The following CCDC66 variants were observed in gnomAD, a reference collection of about 807,000 sequenced individuals.
CCDC66 encodes the protein coiled-coil domain containing 66.
Under a neutral mutation model 128.3 loss-of-function variants are expected in CCDC66, and 133 were observed. That is an observed-to-expected ratio of 1.04 (90% CI 0.90 to 1.20). The LOEUF is 1.20. Among genes scored for constraint, CCDC66 ranks in the 50% most tolerant of loss-of-function variants. The probability of loss-of-function intolerance (pLI) is 0.00; values close to 1 mark genes in which losing one functional copy is unlikely to be tolerated. For missense variants in CCDC66, 1,126 were observed against 1,075.5 expected, an observed-to-expected ratio of 1.05 and a Z score of -0.66; for synonymous variants, 387 against 357.0, an observed-to-expected ratio of 1.08 and a Z score of -0.95.
intron 3 of CCDC66, among the ~76,000 whole-genome samples, chr3:56,562,409 T>G (rs2065221929): frequency 6.6e-6 from 1 of 152,168 alleles, no homozygotes; most frequent in Non-Finnish European, 1.5e-5. Context: ...GTTACTTTCC[T>G]AATTTCTTAG....
chr3:56,562,288 G>A (rs1333122982), intron 3 of CCDC66, among the ~76,000 whole-genome samples: 2 of 151,954 alleles, frequency 1.3e-5, no homozygotes, highest in East Asian at 1.9e-4. Flanking sequence ...GGGCTCAAGC[G>A]ATCCTTCCGC....
intron 10 of CCDC66, 130 bp downstream of exon 10, chr3:56,594,158 A>G: frequency 1.3e-6 from 1 of 777,678 alleles, no homozygotes; most frequent in South Asian, 1.7e-5. Flanking sequence ...TGTGTCACGA[A>G]TCCAATCCCT....
chr3:56,605,966 T>C (rs2074010136), intron 10 of CCDC66, among the ~76,000 whole-genome samples: 1 of 152,052 alleles, frequency 6.6e-6, no homozygotes, highest in Non-Finnish European at 1.5e-5. Context: ...AGAGATTCCC[T>C]GTCCAAAGAG....
chr3:56,558,055 ATTC>A (rs1389079784), intron 1 of CCDC66: 1 of 152,226 alleles, frequency 6.6e-6, no homozygotes, highest in Non-Finnish European at 1.5e-5. Flanking sequence ...CGTAAAACCT[ATTC>A]TTTCCAGTGT....
At chr3:56,593,825 G>A in intron 9 of CCDC66, 84 bp downstream of exon 9, 1 of 1,584,568 alleles carries the variant, frequency 6.3e-7, no homozygotes, top group Admixed American at 1.7e-5. Context: ...ATTGGTTTCA[G>A]GTTTGGTATT....
intron 16 of CCDC66, 68 bp downstream of exon 16, chr3:56,619,595 A>C: frequency 6.6e-7 from 1 of 1,518,990 alleles, no homozygotes; most frequent in Non-Finnish European, 8.8e-7. Flanking sequence ...AACAACTTTA[A>C]ATTCCAAATT....
chr3:56,578,578 G>A (rs570794282), intron 7 of CCDC66, among the ~76,000 whole-genome samples: 13 of 151,832 alleles, frequency 8.6e-5, no homozygotes, highest in Middle Eastern at 6.8e-3. Flanking sequence ...TTTGAGATAC[G>A]TTCCATCAAT....
chr3:56,619,341 C>T lies in CCDC66; in HGVS notation c.2449C>T (p.Leu817=). ...QQTQNTLHLP[L]KNSSYERENL... is the part of the protein sequence containing the mutation. ...AACTCAAAATACATTACATTTACCA[C>T]TAAAAAACAGTAGCTATGAGAGAGA... is the stretch of plus-strand genomic sequence containing the variant. Residue 817 remains leucine (L), a synonymous_variant, in exon 16 of 18, where the codon CTA becomes TTA. Transcript: ENST00000394672. 2 of 1,613,460 alleles carry T rather than the reference C, an allele frequency of 1.2e-6. No individual in the cohort carries two copies. Among genetic ancestry groups the T allele is most frequent in the Non-Finnish European group, 1.7e-6 (2 of 1,179,596 alleles).
At chr3:56,564,161 T>C (rs1412593868) in intron 4 of CCDC66, 36 bp downstream of exon 4, 2 of 1,503,496 alleles carry the variant, frequency 1.3e-6, no homozygotes, top group Non-Finnish European at 1.8e-6. Flanking sequence ...AATTTTGATT[T>C]TTTCAATATG....
chr3:56,593,728 A>T lies in CCDC66; in HGVS notation c.1306A>T (p.Ser436Cys), dbSNP rs1164626720. ...TATTAAGGATGTGGTTATGGCAAAC[A>T]GTAAGAAAACAAAGTAAGTTCATGC... ...KPIKDVVMAN[S>C]KKTNFLRSMT... The change falls in exon 9 of 18, where the codon AGT becomes TGT. Residue 436 changes from serine to cysteine, a missense_variant. Physicochemically the swap from Ser to Cys is moderately radical, Grantham distance 112 (BLOSUM62 -1). Coordinates refer to ENST00000394672, the MANE Select transcript of CCDC66 (RefSeq NM_001141947.3). The T allele has an allele frequency of 6.2e-7, 1 of 1,611,898 alleles. No individual in the cohort carries two copies. Among genetic ancestry groups the T allele is most frequent in the Non-Finnish European group, 8.5e-7 (1 of 1,178,170 alleles).
chr3:56,589,323 C>G (rs1487473688), intron 7 of CCDC66, among the ~76,000 whole-genome samples: 3 of 152,082 alleles, frequency 2.0e-5, no homozygotes, highest in Non-Finnish European at 4.4e-5. Flanking sequence ...AAAATAAACT[C>G]CAGAACCAAA....
intron 4 of CCDC66, among the ~76,000 whole-genome samples, chr3:56,565,400 A>G (rs563211013): frequency 6.7e-6 from 1 of 148,898 alleles, no homozygotes; most frequent in South Asian, 2.1e-4. Flanking sequence ...CAGCCTCCCG[A>G]GTAGCTGGGA....
chr3:56,571,403 C>T lies in CCDC66; in HGVS notation c.936+101C>T, dbSNP rs150543410. 4.5e-3 allele frequency: 3,465 copies of T among 775,168 alleles called. 34 individuals are homozygous for T. The highest frequency in any genetic ancestry group is 0.035 in the African/African-American group (1,808 of 51,892). The allele number at this position is 775,168 out of a possible 1,614,324, so 48.0% of individuals were successfully genotyped here. On this transcript the variant is annotated intron_variant, in intron 7 of 17. Coordinates refer to ENST00000394672, the MANE Select transcript of CCDC66 (RefSeq NM_001141947.3). ...AAAAAAAAAAGTTTTTTTTTTGAGA[C>T]GGAGTTTCTCTCTTGTTGCCCAGGC...
At chr3:56,570,013 T>C (rs1452185247) in intron 6 of CCDC66, 1 of 152,184 alleles carries the variant, frequency 6.6e-6, no homozygotes, top group Non-Finnish European at 1.5e-5. Context: ...TTTTTGTATC[T>C]TTAGTAGAGA....
At chr3:56,559,438 C>A (rs1244629278) in intron 2 of CCDC66, 131 bp from the exon 3 acceptor site, 2 of 594,922 alleles carry the variant, frequency 3.4e-6, no homozygotes, top group Non-Finnish European at 5.8e-6. Flanking sequence ...CAGTCAAGAT[C>A]TAAAGTTTAT....
intron 7 of CCDC66, among the ~76,000 whole-genome samples, chr3:56,579,471 T>A (rs890709897): frequency 2.6e-5 from 4 of 151,844 alleles, no homozygotes; most frequent in African/African-American, 7.2e-5. Flanking sequence ...GTGTTTGCTC[T>A]TGCTTCTCTA....
intron 3 of CCDC66, chr3:56,561,361 A>T (rs1172278648): frequency 7.0e-6 from 3 of 429,596 alleles, no homozygotes; most frequent in Non-Finnish European, 1.4e-5. Flanking sequence ...AAACAGAATT[A>T]CTGGTCTTGG....
chr3:56,615,825 CTGAT>C (rs1425494869), intron 12 of CCDC66, 93 bp from the exon 13 acceptor site: 9 of 1,064,102 alleles, frequency 8.5e-6, no homozygotes, highest in Middle Eastern at 3.2e-4. Flanking sequence ...AGTGTTCATT[CTGAT>C]TAAGTGAAAA....
rs1227970183 is a variant in CCDC66 at position 56,615,011 on chromosome 3, T to TA, written c.1567-116dup. 4.2e-6 allele frequency: 4 copies of TA among 956,912 alleles called. No homozygotes were observed. The Admixed American group carries it at 1.1e-4, about 25-fold the overall frequency. 59.3% of individuals were successfully genotyped at this position (956,912 alleles called of 1,614,324 possible). A position where few individuals can be genotyped will look rare whatever the true frequency, so the allele number is the denominator to read the frequency against. On this transcript the variant is annotated intron_variant, in intron 11 of 17. Transcript: ENST00000394672. ...TTTGCCTTGTTGACTGTTGTACCCT[T>TA]AGTGTCTAAACAAGTGCCTGATACA...
Sources: gnomAD v4.1 joint callset for allele counts (sites outside exome capture counted in the v4.1 genomes callset) on GRCh38, gnomAD v4.1.1 for gene constraint, MANE v1.5 for transcripts, NCBI Gene and HGNC (gene_info 2026-07-23, HGNC 2026-07-21) for gene names.